Variants in ST6GALNAC3 observed in about 807,000 individuals in gnomAD.
ST6GALNAC3 encodes the protein ST6 N-acetylgalactosaminide alpha-2,6-sialyltransferase 3.
ST6GALNAC3 carries 25 observed loss-of-function variants against 32.7 expected under a neutral mutation model. That is an observed-to-expected ratio of 0.76 (90% CI 0.56 to 1.07). The LOEUF is 1.07. ST6GALNAC3 is among the 50% of genes least tolerant of loss of function. The pLI is 0.00. For missense variants in ST6GALNAC3, 355 were observed against 382.4 expected, an observed-to-expected ratio of 0.93 and a Z score of 0.60; for synonymous variants, 129 against 133.1, an observed-to-expected ratio of 0.97 and a Z score of 0.21.
At chr1:76,492,189 C>T (rs557698057) in intron 3 of ST6GALNAC3, among the ~76,000 whole-genome samples, 5 of 152,248 alleles carry the variant, frequency 3.3e-5, no homozygotes, top group South Asian at 2.1e-4. Flanking sequence ...CTTTTAAGAA[C>T]GGACTGAAGG....
At chr1:76,517,186 C>G (rs1171164590) in intron 3 of ST6GALNAC3, among the ~76,000 whole-genome samples, 2 of 151,712 alleles carry the variant, frequency 1.3e-5, no homozygotes, top group South Asian at 4.1e-4. Context: ...AGAATCAATA[C>G]ATTAAAATAT....
intron 1 of ST6GALNAC3, among the ~76,000 whole-genome samples, chr1:76,125,000 A>T (rs2631780): frequency 0.012 from 1,775 of 152,332 alleles, 45 homozygotes; most frequent in African/African-American, 0.04. Context: ...TTTTATATTA[A>T]CTAGTGAATA....
rs1647215651 is a variant in ST6GALNAC3 at position 76,600,917 on chromosome 1, T to C, written c.624-26535T>C. Among the ~76,000 whole-genome samples, 3 of 152,320 alleles carry C rather than the reference T, an allele frequency of 2.0e-5. No homozygotes were observed. The South Asian group carries it at 6.2e-4, about 32-fold the overall frequency. ...TTCCCTTTTGGTGGGGCATGGTCAC[T>C]CACGCCTGTAATCCCAACAGTTTGG... On this transcript the variant is annotated intron_variant, in intron 3 of 4. Coordinates refer to ENST00000328299, the MANE Select transcript of ST6GALNAC3 (RefSeq NM_152996.4).
At chr1:76,206,629 G>T (rs1654839653) in intron 1 of ST6GALNAC3, among the ~76,000 whole-genome samples, 1 of 152,058 alleles carries the variant, frequency 6.6e-6, no homozygotes, top group Admixed American at 6.5e-5. Context: ...TCGGGAGGCT[G>T]AGGCAGGAGA....
intron 3 of ST6GALNAC3, among the ~76,000 whole-genome samples, chr1:76,590,769 A>T (rs892335963): frequency 5.3e-5 from 8 of 152,342 alleles, no homozygotes; most frequent in African/African-American, 1.7e-4. Context: ...TCACTGTTTC[A>T]TCCCTAACTG....
At chr1:76,275,979 A>G (rs1051222820) in intron 1 of ST6GALNAC3, among the ~76,000 whole-genome samples, 5 of 152,294 alleles carry the variant, frequency 3.3e-5, no homozygotes, top group Admixed American at 3.3e-4. Flanking sequence ...TCTGAGATCT[A>G]TTCCTTTATG....
chr1:76,634,935 G>A (rs1649466865), downstream of ST6GALNAC3, among the ~76,000 whole-genome samples: 1 of 149,432 alleles, frequency 6.7e-6, no homozygotes, highest in Non-Finnish European at 1.5e-5. Context: ...TCCTGACCTC[G>A]TGATCCGCCC....
At chr1:76,532,054 C>T (rs892807817) in intron 3 of ST6GALNAC3, among the ~76,000 whole-genome samples, 1 of 152,204 alleles carries the variant, frequency 6.6e-6, no homozygotes, top group Non-Finnish European at 1.5e-5. Context: ...CTTCTCTTTA[C>T]TGACTTCATC....
At chr1:76,572,586 G>A (rs1557587181) in intron 3 of ST6GALNAC3, among the ~76,000 whole-genome samples, 1 of 152,102 alleles carries the variant, frequency 6.6e-6, no homozygotes, top group African/African-American at 2.4e-5. Flanking sequence ...GATGCACACA[G>A]TTAGCTACTA....
intron 3 of ST6GALNAC3, among the ~76,000 whole-genome samples, chr1:76,525,763 A>T (rs56097128): frequency 0.028 from 3,031 of 110,072 alleles, 190 homozygotes; most frequent in South Asian, 0.063. Flanking sequence ...ATATATGTGT[A>T]TGTGTGTTTG....
At chr1:76,202,817 T>C (rs960337767) in intron 1 of ST6GALNAC3, among the ~76,000 whole-genome samples, 1 of 152,206 alleles carries the variant, frequency 6.6e-6, no homozygotes, top group Non-Finnish European at 1.5e-5. Flanking sequence ...TAGGTATATA[T>C]TGAAGTGGCC....
chr1:76,552,007 G>T (rs955726839), intron 3 of ST6GALNAC3, among the ~76,000 whole-genome samples: 1 of 152,182 alleles, frequency 6.6e-6, no homozygotes, highest in Admixed American at 6.5e-5. Context: ...TGCTGCAGGT[G>T]GGGGAGGTCA....
intron 3 of ST6GALNAC3, among the ~76,000 whole-genome samples, chr1:76,588,250 G>A (rs149543035): frequency 4.5e-4 from 68 of 151,918 alleles, no homozygotes; most frequent in Middle Eastern, 3.4e-3. Flanking sequence ...AAAAAATAAA[G>A]CATTCTACCT....
chr1:76,574,070 A>C lies in ST6GALNAC3; in HGVS notation c.624-53382A>C, dbSNP rs527660796. On this transcript the variant is annotated intron_variant, in intron 3 of 4. Coordinates refer to ENST00000328299, the MANE Select transcript of ST6GALNAC3 (RefSeq NM_152996.4). The stretch of plus-strand genomic sequence containing the variant: ...ATAAATAATGCAAAATGCCTTTGTG[A>C]AAGTTATAATCTATGGAAAATGGAA... Among the ~76,000 whole-genome samples, 491 of 152,242 alleles carry C rather than the reference A, an allele frequency of 3.2e-3. 3 individuals are homozygous for C. The highest frequency in any genetic ancestry group is 5.7e-3 in the Non-Finnish European group (388 of 67,996).
chr1:76,498,346 A>T (rs1299998611), intron 3 of ST6GALNAC3, among the ~76,000 whole-genome samples: 1 of 152,204 alleles, frequency 6.6e-6, no homozygotes, highest in Non-Finnish European at 1.5e-5. Context: ...TCCCTAGGAA[A>T]AGAGGAGTGA....
intron 2 of ST6GALNAC3, among the ~76,000 whole-genome samples, chr1:76,406,781 A>G (rs977409642): frequency 6.6e-6 from 1 of 151,988 alleles, no homozygotes; most frequent in Non-Finnish European, 1.5e-5. Context: ...GCATTTCCTG[A>G]AAGTTAACAT....
chr1:76,229,915 A>G (rs543821876), intron 1 of ST6GALNAC3, among the ~76,000 whole-genome samples: 1 of 152,334 alleles, frequency 6.6e-6, no homozygotes, highest in East Asian at 1.9e-4. Flanking sequence ...TGCAACAGAG[A>G]TCAATGGCCA....
chr1:76,178,355 C>A (rs1652972742), intron 1 of ST6GALNAC3, among the ~76,000 whole-genome samples: 1 of 152,156 alleles, frequency 6.6e-6, no homozygotes, highest in Non-Finnish European at 1.5e-5. Context: ...CCATTGATTC[C>A]TGGAAGAAAA....
At chr1:76,410,071 T>C (rs979715887) in intron 2 of ST6GALNAC3, among the ~76,000 whole-genome samples, 5 of 152,018 alleles carry the variant, frequency 3.3e-5, no homozygotes, top group African/African-American at 9.7e-5. Context: ...CTTTTTTTTA[T>C]CAACTTTCCA....
Sources: allele counts gnomAD v4.1 joint callset (sites outside exome capture counted in the v4.1 genomes callset), GRCh38; gene constraint gnomAD v4.1.1; transcripts MANE v1.5; gene names NCBI Gene and HGNC (gene_info 2026-07-23, HGNC 2026-07-21).